EIF4E3: variants seen among roughly 807,000 people sequenced by gnomAD.
The protein encoded by EIF4E3 is eukaryotic translation initiation factor 4E type 3.
Under a neutral mutation model 31.7 loss-of-function variants are expected in EIF4E3, and 26 were observed. That is an observed-to-expected ratio of 0.82 (90% CI 0.60 to 1.14). The LOEUF (loss-of-function observed/expected upper bound fraction) is 1.14, where lower values mean the gene tolerates loss of function less well. Ranked by LOEUF, EIF4E3 falls within the 50% of genes most tolerant of loss-of-function variation. The pLI, the probability that EIF4E3 is intolerant of heterozygous loss-of-function variation, is 0.00. For missense variants in EIF4E3, 304 were observed against 270.9 expected (o/e 1.12, Z -0.86); for synonymous variants, 128 against 107.7 (o/e 1.19, Z -1.17).
chr3:71,714,512 T>C (rs1261792507), intron 1 of EIF4E3, among the ~76,000 whole-genome samples: 1 of 152,176 alleles, frequency 6.6e-6, no homozygotes, highest in Non-Finnish European at 1.5e-5. Context: ...GAAGTACTGA[T>C]GGTAGTAAAT....
At chr3:71,754,083 G>C, upstream of EIF4E3, 1 of 1,331,660 alleles carries the variant, frequency 7.5e-7, no homozygotes, top group Non-Finnish European at 9.7e-7. The surrounding 1 kb of genome is among the most constrained non-coding windows in gnomAD (Gnocchi z 5.8). Context: ...TGGCAGCGGC[G>C]GCGGCGAGGC....
intron 2 of EIF4E3, among the ~76,000 whole-genome samples, chr3:71,704,695 G>C (rs2049265810): frequency 6.6e-6 from 1 of 152,228 alleles, no homozygotes; most frequent in Admixed American, 6.5e-5. Context: ...AGGTCAGGAG[G>C]GGTCAGGGGT....
intron 2 of EIF4E3, among the ~76,000 whole-genome samples, chr3:71,701,788 A>C (rs1461067443): frequency 6.6e-6 from 1 of 152,198 alleles, no homozygotes; most frequent in Non-Finnish European, 1.5e-5. Flanking sequence ...ATAAGATCAA[A>C]TTGAAGGCAA....
intron 1 of EIF4E3, among the ~76,000 whole-genome samples, chr3:71,735,743 T>A (rs1406222393): frequency 2.0e-5 from 3 of 151,670 alleles, no homozygotes; most frequent in Non-Finnish European, 4.4e-5. Context: ...TCTTTCTGGA[T>A]CAAAGTAACC....
intron 1 of EIF4E3, among the ~76,000 whole-genome samples, chr3:71,714,273 A>AGAAG (rs1215872110): frequency 0.12 from 14,488 of 125,212 alleles, 1,090 homozygotes; most frequent in East Asian, 0.25. Context: ...AAGGAAGGAA[A>AGAAG]GAAGGAAGGA....
intron 1 of EIF4E3, among the ~76,000 whole-genome samples, chr3:71,752,755 A>C (rs1292093827): frequency 1.3e-5 from 2 of 152,214 alleles, no homozygotes; most frequent in Non-Finnish European, 2.9e-5. Context: ...GAAGGAAATG[A>C]CTAGAGGGCA....
At chr3:71,742,900 GC>G (rs754545513) in intron 1 of EIF4E3, among the ~76,000 whole-genome samples, 1 of 152,138 alleles carries the variant, frequency 6.6e-6, no homozygotes, top group African/African-American at 2.4e-5. Context: ...CTCAATAGAT[GC>G]ATGGAAAGCA....
At chr3:71,752,694 A>G (rs2049943513) in intron 1 of EIF4E3, among the ~76,000 whole-genome samples, 1 of 152,272 alleles carries the variant, frequency 6.6e-6, no homozygotes, top group African/African-American at 2.4e-5. Flanking sequence ...TTAGAAGAGC[A>G]TGATTTTTAA....
chr3:71,668,313 C>G, the EIF4E3 span, among the ~76,000 whole-genome samples: 1 of 152,098 alleles, frequency 6.6e-6, no homozygotes, highest in Admixed American at 6.5e-5. Flanking sequence ...AGAAGAAAAC[C>G]GAGGCAATAC....
chr3:71,727,469 A>G (rs1443075869), upstream of EIF4E3, among the ~76,000 whole-genome samples: 2 of 152,218 alleles, frequency 1.3e-5, no homozygotes, highest in Non-Finnish European at 2.9e-5. Context: ...GAGGTAATAT[A>G]ATTTAATTCA....
intron 2 of EIF4E3, among the ~76,000 whole-genome samples, chr3:71,703,651 T>A (rs1028513256): frequency 1.3e-5 from 2 of 152,096 alleles, no homozygotes; most frequent in African/African-American, 4.8e-5. Context: ...CCAAGAAAAC[T>A]GGCAAATTTC....
chr3:71,713,808 T>A (rs1170065826), intron 1 of EIF4E3, among the ~76,000 whole-genome samples: 1 of 152,114 alleles, frequency 6.6e-6, no homozygotes, highest in African/African-American at 2.4e-5. Flanking sequence ...AAATAGTCTT[T>A]CCAATGGATA....
rs182197938 is a variant in EIF4E3 at position 71,721,500 on chromosome 3, G to A, written c.176+3692C>T. On this transcript the variant is annotated intron_variant, in intron 1 of 6. Coordinates refer to ENST00000425534, the MANE Select transcript of EIF4E3 (RefSeq NM_001134651.2). ...CACCCAAAATCTCATCTTGAATTGT[G>A]ATCTCCATAATCCCCATATATGTCA... is the stretch of plus-strand genomic sequence containing the variant. Among the ~76,000 whole-genome samples the A allele has an allele frequency of 2.0e-4, 30 of 152,276 alleles. No homozygotes were observed. The East Asian group carries it at 4.8e-3, about 25-fold the overall frequency.
intron 1 of EIF4E3, among the ~76,000 whole-genome samples, chr3:71,720,791 C>T (rs1204708351): frequency 2.6e-5 from 4 of 152,020 alleles, no homozygotes; most frequent in Admixed American, 6.5e-5. Context: ...AGCTAAGAGC[C>T]GGCTAGGAGG....
chr3:71,745,958 C>T (rs763070215), intron 1 of EIF4E3, among the ~76,000 whole-genome samples: 10 of 151,548 alleles, frequency 6.6e-5, no homozygotes, highest in Non-Finnish European at 1.0e-4. Context: ...TGTTTCTTTT[C>T]GATATTGAAA....
chr3:71,710,363 T>C (rs2049357813), intron 2 of EIF4E3, 49 bp downstream of exon 2: 3 of 1,529,856 alleles, frequency 2.0e-6, no homozygotes, highest in African/African-American at 2.8e-5. Context: ...GGTGATTAGG[T>C]GTCTGACGTG....
In EIF4E3 at chr3:71,684,515, C is replaced by G; in HGVS notation, c.*167G>C. ...ACGGTAGAAACCCACACAATCTCCC[C>G]CCACCCCACCTGCCACTTTGAGTCC... is the stretch of plus-strand genomic sequence containing the variant. On this transcript the variant is annotated 3_prime_UTR_variant, in exon 7 of 7. Transcript: ENST00000425534. 1.7e-6 allele frequency: 1 copy of G among 587,662 alleles called. No homozygotes were observed. The highest frequency in any genetic ancestry group is 3.9e-5 in the South Asian group (1 of 25,542). 36.4% of individuals were successfully genotyped at this position (587,662 alleles called of 1,614,324 possible).
chr3:71,673,626 G>C (rs2048857499), downstream of EIF4E3, among the ~76,000 whole-genome samples: 1 of 150,676 alleles, frequency 6.6e-6, no homozygotes, highest in Non-Finnish European at 1.5e-5. Flanking sequence ...ATACTTACAT[G>C]CCAGGTATGT....
chr3:71,667,824 C>T, the EIF4E3 span, among the ~76,000 whole-genome samples: 1 of 152,182 alleles, frequency 6.6e-6, no homozygotes, highest in African/African-American at 2.4e-5. Context: ...AATGGCCATA[C>T]TGCCCAAAGT....
Sources: gnomAD v4.1 joint callset for allele counts (sites outside exome capture counted in the v4.1 genomes callset) on GRCh38, gnomAD v4.1.1 for gene constraint, Gnocchi (gnomAD v3.1) non-coding constraint, MANE v1.5 for transcripts, NCBI Gene and HGNC (gene_info 2026-07-23, HGNC 2026-07-21) for gene names.